Variants in ZNF331 observed in about 807,000 individuals in gnomAD.
ZNF331 encodes the protein zinc finger protein 331.
Under a neutral mutation model 7.0 loss-of-function variants are expected in ZNF331, and 2 were observed. The observed-to-expected ratio is 0.29, with a 90% CI of 0.12 to 0.90. The LOEUF is 0.90. Ranked by LOEUF, ZNF331 falls within the 40% of genes least tolerant of loss-of-function variation. The pLI, the probability that ZNF331 is intolerant of heterozygous loss-of-function variation, is 0.58. For synonymous variants in ZNF331, 196 were observed against 205.4 expected, an observed-to-expected ratio of 0.95 and a Z score of 0.39; for missense variants, 432 against 587.7, an observed-to-expected ratio of 0.74 and a Z score of 2.74.
At chr19:53,543,928 C>T (rs1293537454) in intron 2 of ZNF331, among the ~76,000 whole-genome samples, 1 of 152,058 alleles carries the variant, frequency 6.6e-6, no homozygotes, top group South Asian at 2.1e-4. Context: ...CTTGGTAATT[C>T]ATCATAAAAA....
intron 2 of ZNF331, among the ~76,000 whole-genome samples, chr19:53,531,719 T>C (rs562177596): frequency 1.2e-4 from 18 of 152,292 alleles, no homozygotes; most frequent in South Asian, 4.1e-4. Context: ...AAATTGAAAT[T>C]TTTTCTGTTT....
chr19:53,559,662 TAC>T (rs1568513590), intron 3 of ZNF331, among the ~76,000 whole-genome samples: 2 of 146,510 alleles, frequency 1.4e-5, no homozygotes, highest in Admixed American at 1.4e-4. Context: ...GCTACATATA[TAC>T]ACACATATAA....
intron 2 of ZNF331, among the ~76,000 whole-genome samples, chr19:53,541,487 T>C (rs60999701): frequency 0.56 from 84,946 of 151,880 alleles, 24,544 homozygotes; most frequent in African/African-American, 0.69. Context: ...TTGCCCATGC[T>C]GGAGTGCAGT....
chr19:53,552,779 C>T (rs928015793), intron 2 of ZNF331, among the ~76,000 whole-genome samples: 6 of 152,036 alleles, frequency 3.9e-5, no homozygotes, highest in African/African-American at 1.4e-4. Flanking sequence ...AAACTGGATT[C>T]AGGATCAGTG....
chr19:53,533,381 T>C (rs907123951), upstream of ZNF331, among the ~76,000 whole-genome samples: 7 of 152,220 alleles, frequency 4.6e-5, no homozygotes, highest in African/African-American at 1.7e-4. Context: ...TGCCTTAAAT[T>C]TCTTAAGACC....
chr19:53,506,353 G>T, the ZNF331 span, among the ~76,000 whole-genome samples: 1 of 120,862 alleles, frequency 8.3e-6, no homozygotes, highest in East Asian at 2.8e-4. Flanking sequence ...AAAAAAAAAA[G>T]AAAAGAATCA....
chr19:53,540,049 C>T (rs1445035303), intron 2 of ZNF331, among the ~76,000 whole-genome samples: 1 of 152,128 alleles, frequency 6.6e-6, no homozygotes, highest in Non-Finnish European at 1.5e-5. Context: ...TTGTAAATAC[C>T]TTATCCAACA....
chr19:53,544,923 G>A (rs376862503), intron 2 of ZNF331, among the ~76,000 whole-genome samples: 4 of 152,008 alleles, frequency 2.6e-5, no homozygotes, highest in East Asian at 1.9e-4. Context: ...TAGTAGAGAC[G>A]GGGTTTCACC....
chr19:53,569,010 C>T (rs948392687), intron 3 of ZNF331, among the ~76,000 whole-genome samples: 1 of 152,056 alleles, frequency 6.6e-6, no homozygotes, highest in Non-Finnish European at 1.5e-5. Flanking sequence ...GCACGTGCCA[C>T]CACATCCGGC....
chr19:53,508,612 G>A, the ZNF331 span, among the ~76,000 whole-genome samples: 3,312 of 152,098 alleles, frequency 0.022, 122 homozygotes, highest in African/African-American at 0.076. Flanking sequence ...CAGCCTCCAG[G>A]ATCAGGATGA....
At chr19:53,511,646 C>T in the ZNF331 span, among the ~76,000 whole-genome samples, 11 of 152,118 alleles carry the variant, frequency 7.2e-5, no homozygotes, top group South Asian at 4.1e-4. Context: ...AATAGAGATG[C>T]GTCTCAGGTT....
At chr19:53,519,840 G>A (rs1377815930), upstream of ZNF331, among the ~76,000 whole-genome samples, 3 of 152,142 alleles carry the variant, frequency 2.0e-5, no homozygotes, top group Non-Finnish European at 4.4e-5. Context: ...CTACTGGGGG[G>A]TGGGGGAAAG....
Position 53,578,594 on chromosome 19 carries a change from A to G in ZNF331, c.*642A>G, listed in dbSNP as rs542635306. On this transcript the variant is annotated 3_prime_UTR_variant, in exon 6 of 6. Transcript: ENST00000449416. ...ATGTACAGGAAAAAATGTAGTATAT[A>G]GTATCGTATATATGTACAGGAAAAA... 9.6e-6 allele frequency: 2 copies of G among 208,798 alleles called. No homozygotes were observed. The highest frequency in any genetic ancestry group is 1.2e-4 in the Admixed American group (2 of 17,036). 12.9% of individuals were successfully genotyped at this position (208,798 alleles called of 1,614,324 possible).
At chr19:53,544,317 G>A (rs1026610446) in intron 2 of ZNF331, among the ~76,000 whole-genome samples, 11 of 151,210 alleles carry the variant, frequency 7.3e-5, no homozygotes, top group Admixed American at 5.9e-4. Context: ...AGGCCAAGGT[G>A]GGCGGATCAC....
chr19:53,520,655 G>C (rs2087033570), upstream of ZNF331, among the ~76,000 whole-genome samples: 1 of 152,222 alleles, frequency 6.6e-6, no homozygotes, highest in Non-Finnish European at 1.5e-5. Context: ...CAGCGCTAAG[G>C]ATTCCCGCGT....
chr19:53,579,358 C>CT lies in ZNF331; in HGVS notation c.*1406_*1407insT, dbSNP rs1448464769. The CT allele has an allele frequency of 4.6e-6, 1 of 219,424 alleles. No homozygotes were observed. Among genetic ancestry groups the CT allele is most frequent in the East Asian group, 6.6e-5 (1 of 15,216 alleles). 13.6% of individuals were successfully genotyped at this position (219,424 alleles called of 1,614,324 possible). ...TCTACCAGTTGTCCCCACCATCCCC[C>CT]GCCCTCCTCCCTGTGAGACACTGGG... On this transcript the variant is annotated 3_prime_UTR_variant, in exon 6 of 6. Coordinates refer to ENST00000449416, the MANE Select transcript of ZNF331 (RefSeq NM_001079906.2).
At chr19:53,555,536 G>A (rs1397186013) in intron 2 of ZNF331, 1 of 152,414 alleles carries the variant, frequency 6.6e-6, no homozygotes, top group Non-Finnish European at 1.5e-5. Flanking sequence ...GAGTGCCTGA[G>A]CCCTGCCAGG....
chr19:53,506,080 A>G, the ZNF331 span, among the ~76,000 whole-genome samples: 1 of 151,440 alleles, frequency 6.6e-6, no homozygotes, highest in Admixed American at 6.6e-5. Flanking sequence ...TAGTGCCTGT[A>G]ATCCCAGCAC....
At chr19:53,516,749 G>A (rs1298261637), upstream of ZNF331, among the ~76,000 whole-genome samples, 2 of 152,168 alleles carry the variant, frequency 1.3e-5, no homozygotes, top group Admixed American at 1.3e-4. Context: ...CTTACAACTT[G>A]TGAAAGAGAC....
Sources: gnomAD v4.1 joint callset for allele counts (sites outside exome capture counted in the v4.1 genomes callset) on GRCh38, gnomAD v4.1.1 for gene constraint, MANE v1.5 for transcripts, NCBI Gene and HGNC (gene_info 2026-07-23, HGNC 2026-07-21) for gene names.